The following CAST variants were observed in gnomAD, a reference collection of about 807,000 sequenced individuals.
CAST encodes the protein MIR583 host.
Under a neutral mutation model 119.6 loss-of-function variants are expected in CAST, and 76 were observed. That is an observed-to-expected ratio of 0.64 (90% CI 0.53 to 0.77). CAST has a LOEUF of 0.77. Ranked by LOEUF, CAST falls within the 30% of genes least tolerant of loss-of-function variation. CAST has a pLI of 0.00. For missense variants in CAST, 953 were observed against 946.5 expected, an observed-to-expected ratio of 1.01 and a Z score of -0.09; for synonymous variants, 319 against 331.6, an observed-to-expected ratio of 0.96 and a Z score of 0.41.
intron 3 of CAST, among the ~76,000 whole-genome samples, chr5:96,696,897 A>G (rs1753363089): frequency 6.6e-6 from 1 of 151,710 alleles, no homozygotes; most frequent in African/African-American, 2.4e-5. Context: ...TTAGCTAGTA[A>G]TTTTTGATAA....
intron 1 of CAST, among the ~76,000 whole-genome samples, chr5:96,554,263 C>A (rs979172468): frequency 1.3e-5 from 2 of 152,114 alleles, no homozygotes; most frequent in African/African-American, 4.8e-5. Context: ...CATCTGTCAC[C>A]ATCTGATCTT....
chr5:96,759,433 G>A (rs1256013940), intron 24 of CAST, among the ~76,000 whole-genome samples: 1 of 152,050 alleles, frequency 6.6e-6, no homozygotes, highest in Non-Finnish European at 1.5e-5. Context: ...AAGTCTTTGA[G>A]AAGCAGTCAA....
the CAST span, chr5:96,395,046 C>G: frequency 2.5e-5 from 40 of 1,569,604 alleles, 1 homozygote; most frequent in African/African-American, 4.0e-5. Flanking sequence ...AGCATACCTA[C>G]ATTTAGTATG....
At chr5:96,256,201 T>C in the CAST span, among the ~76,000 whole-genome samples, 1 of 148,436 alleles carries the variant, frequency 6.7e-6, no homozygotes, top group African/African-American at 2.4e-5. Flanking sequence ...TTACATATTA[T>C]ATATAAACTT....
chr5:95,978,073 A>G, the CAST span, among the ~76,000 whole-genome samples: 4 of 151,788 alleles, frequency 2.6e-5, no homozygotes, highest in Admixed American at 2.6e-4. Context: ...GGGTGATTCC[A>G]TGTCTTTACT....
the CAST span, among the ~76,000 whole-genome samples, chr5:96,134,148 C>T: frequency 0.31 from 46,802 of 152,028 alleles, 7,314 homozygotes; most frequent in East Asian, 0.37. Flanking sequence ...CGCTACAGTG[C>T]TCTGTTACAG....
At chr5:96,384,814 T>C in the CAST span, among the ~76,000 whole-genome samples, 1 of 152,144 alleles carries the variant, frequency 6.6e-6, no homozygotes, top group Non-Finnish European at 1.5e-5. Flanking sequence ...GGACAAATGC[T>C]GAAAAATGCA....
chr5:96,763,139 A>G (rs1038110474), intron 25 of CAST: 13 of 780,254 alleles, frequency 1.7e-5, no homozygotes, highest in Middle Eastern at 2.3e-4. Context: ...CTATGCTTCC[A>G]TTCCGTTTGA....
intron 2 of CAST, among the ~76,000 whole-genome samples, chr5:96,677,571 C>T (rs75025350): frequency 0.054 from 8,246 of 152,268 alleles, 559 homozygotes; most frequent in East Asian, 0.2. Context: ...GAAGGAACAG[C>T]GAATTTTTCT....
chr5:96,369,770 C>CT, the CAST span, among the ~76,000 whole-genome samples: 1 of 152,118 alleles, frequency 6.6e-6, no homozygotes, highest in African/African-American at 2.4e-5. Context: ...TCAAGTGACT[C>CT]TTTGTCTCTT....
At chr5:96,525,867 A>T (rs142409344), upstream of CAST, among the ~76,000 whole-genome samples, 41 of 152,356 alleles carry the variant, frequency 2.7e-4, 1 homozygote, top group East Asian at 6.9e-3. Flanking sequence ...AATTGTCAAC[A>T]TGAGGCTGGA....
chr5:96,079,278 CA>C, the CAST span: 1 of 346,814 alleles, frequency 2.9e-6, no homozygotes, highest in Non-Finnish European at 5.9e-6. Flanking sequence ...TCCCACTTAC[CA>C]AATGGCATCA....
the CAST span, among the ~76,000 whole-genome samples, chr5:96,082,576 T>A: frequency 6.6e-6 from 1 of 152,234 alleles, no homozygotes; most frequent in Non-Finnish European, 1.5e-5. Flanking sequence ...TTAGTAACTT[T>A]ATATGTGTAT....
chr5:96,184,470 G>T, the CAST span, among the ~76,000 whole-genome samples: 1 of 152,098 alleles, frequency 6.6e-6, no homozygotes, highest in African/African-American at 2.4e-5. Context: ...TAGGTATGAA[G>T]CCCAGCATGC....
intron 9 of CAST, among the ~76,000 whole-genome samples, chr5:96,731,670 A>G (rs1169877624): frequency 2.5e-5 from 3 of 118,944 alleles, no homozygotes; most frequent in Non-Finnish European, 3.4e-5. Flanking sequence ...ACCCCTCCAC[A>G]GTCCCCCGAG....
rs771107248 is a variant in CAST at position 96,757,564 on chromosome 5, C to T, written c.1762-19C>T. On this transcript the variant is annotated intron_variant, in intron 23 of 31. Coordinates refer to ENST00000675179, the MANE Select transcript of CAST (RefSeq NM_001750.7). ...CTGATTGCAATGGTGTTTGTTGATACATTTCCTGGTTCTTGCAGCCCATGA... is the reference window on the plus strand; with the variant it reads ...CTGATTGCAATGGTGTTTGTTGATATATTTCCTGGTTCTTGCAGCCCATGA... The T allele has an allele frequency of 1.2e-6, 2 of 1,612,690 alleles. No individual in the cohort carries two copies. Among genetic ancestry groups the T allele is most frequent in the African/African-American group, 1.3e-5 (1 of 74,896 alleles).
chr5:96,603,525 G>C (rs1039841595), intron 1 of CAST, among the ~76,000 whole-genome samples: 2 of 152,086 alleles, frequency 1.3e-5, no homozygotes, highest in South Asian at 4.1e-4. Context: ...GTCCTACTGA[G>C]CTCTTCAGGG....
the CAST span, among the ~76,000 whole-genome samples, chr5:96,023,882 A>G: frequency 1.9e-4 from 29 of 152,184 alleles, no homozygotes; most frequent in Admixed American, 1.3e-3. Flanking sequence ...AGTTAATAAA[A>G]TCCTATGGAA....
At chr5:96,512,534 T>G in the CAST span, among the ~76,000 whole-genome samples, 1 of 152,240 alleles carries the variant, frequency 6.6e-6, no homozygotes, top group Non-Finnish European at 1.5e-5. Context: ...TCTTTGTGAC[T>G]TGGTATTCTC....
Sources: allele counts gnomAD v4.1 joint callset (sites outside exome capture counted in the v4.1 genomes callset), GRCh38; gene constraint gnomAD v4.1.1; transcripts MANE v1.5; gene names NCBI Gene and HGNC (gene_info 2026-07-23, HGNC 2026-07-21).